The following USP40 variants were observed in gnomAD, a reference collection of about 807,000 sequenced individuals.
The protein encoded by USP40 is ubiquitin carboxyl-terminal hydrolase 40.
USP40 carries 143 observed loss-of-function variants against 166.2 expected under a neutral mutation model. The observed-to-expected ratio is 0.86, with a 90% CI of 0.75 to 0.99. The LOEUF (loss-of-function observed/expected upper bound fraction) is 0.99, where lower values mean the gene tolerates loss of function less well. Ranked by LOEUF, USP40 falls within the 50% of genes least tolerant of loss-of-function variation. The probability of loss-of-function intolerance (pLI) is 0.00; values close to 1 mark genes in which losing one functional copy is unlikely to be tolerated. For synonymous variants in USP40, 498 were observed against 524.0 expected, an observed-to-expected ratio of 0.95 and a Z score of 0.68; for missense variants, 1,444 against 1,479.7, an observed-to-expected ratio of 0.98 and a Z score of 0.40.
Position 233,557,583 on chromosome 2 carries a change from A to G in USP40, c.382-564T>C, listed in dbSNP as rs80331587. Among the ~76,000 whole-genome samples the G allele has an allele frequency of 6.0e-3, 914 of 152,236 alleles. 13 individuals carry two copies. The highest frequency in any genetic ancestry group is 0.021 in the African/African-American group (856 of 41,552). On this transcript the variant is annotated intron_variant, in intron 4 of 31. Coordinates refer to ENST00000678225, the MANE Select transcript of USP40 (RefSeq NM_001365479.2). ...GTGCTTAAGAAAAATTTATAACCAAACCAAGGGGCACACCAAGACTGAGAA... is the reference window on the plus strand; with the variant it reads ...GTGCTTAAGAAAAATTTATAACCAAGCCAAGGGGCACACCAAGACTGAGAA...
intron 22 of USP40, 36 bp downstream of exon 22, chr2:233,499,842 GC>G: frequency 1.9e-6 from 3 of 1,586,734 alleles, no homozygotes; most frequent in Non-Finnish European, 2.6e-6. Flanking sequence ...TTTTTATTAG[GC>G]TTTTAAGTAA....
intron 28 of USP40, among the ~76,000 whole-genome samples, chr2:233,487,492 A>C (rs2065018274): frequency 6.6e-6 from 1 of 152,240 alleles, no homozygotes; most frequent in Admixed American, 6.5e-5. Flanking sequence ...TTGTATTAAG[A>C]ATGTGTTTTT....
chr2:233,481,180 T>C, intron 31 of USP40, 23 bp downstream of exon 31: 1 of 1,570,756 alleles, frequency 6.4e-7, no homozygotes, highest in South Asian at 1.2e-5. Flanking sequence ...CAGCTGCACA[T>C]CTGTGCAGAC....
At chr2:233,523,012 T>G (rs2067761834) in intron 16 of USP40, among the ~76,000 whole-genome samples, 158 bp downstream of exon 16, 1 of 152,250 alleles carries the variant, frequency 6.6e-6, no homozygotes, top group Non-Finnish European at 1.5e-5. Flanking sequence ...CTAAGTTACA[T>G]AACCTAAAAC....
chr2:233,565,798 T>A (rs1011144937), intron 1 of USP40, among the ~76,000 whole-genome samples: 3 of 152,148 alleles, frequency 2.0e-5, no homozygotes, highest in African/African-American at 7.2e-5. Flanking sequence ...TTTTCTTATG[T>A]GTAAAATAGG....
Position 233,495,463 on chromosome 2 carries a change from C to T in USP40, c.2790+1295G>A, listed in dbSNP as rs1037283399. Among the ~76,000 whole-genome samples the T allele has an allele frequency of 3.3e-5, 5 of 151,564 alleles. No individual in the cohort carries two copies. In the South Asian group the frequency reaches 1.0e-3, roughly 32 times the overall value. Reference sequence around the variant, plus strand: ...AAAGAGACAGGGTTTCACCATGTTGCCAAGGCTGGTCTTGAATTCCTGAGC... The same window carrying T: ...AAAGAGACAGGGTTTCACCATGTTGTCAAGGCTGGTCTTGAATTCCTGAGC... On this transcript the variant is annotated intron_variant, in intron 24 of 31. Coordinates refer to ENST00000678225, the MANE Select transcript of USP40 (RefSeq NM_001365479.2).
intron 28 of USP40, chr2:233,487,673 CAA>C (rs1418021781): frequency 1.5e-5 from 3 of 203,966 alleles, no homozygotes; most frequent in African/African-American, 7.1e-5. Flanking sequence ...GAAAAAAGAA[CAA>C]GATGGTTTGA....
At chr2:233,490,586 A>G (rs1477451078) in intron 26 of USP40, among the ~76,000 whole-genome samples, 2 of 152,254 alleles carry the variant, frequency 1.3e-5, no homozygotes, top group African/African-American at 4.8e-5. Context: ...AAGAGAAGAA[A>G]GGAATGCTCA....
chr2:233,493,430 C>A lies in USP40; in HGVS notation c.2912G>T (p.Ser971Ile), dbSNP rs372446647. The change falls in exon 25 of 32, where the codon AGC (serine) becomes ATC (isoleucine). Residue 971 changes from serine (S) to isoleucine (I), a missense_variant. Physicochemically the swap from Ser to Ile is moderately radical, Grantham distance 142 (BLOSUM62 -2). Transcript: ENST00000678225. The surrounding 1 kb of genome is among the most constrained non-coding windows in gnomAD (Gnocchi z 4.7). ...AAATCCCATTCTGTTCTCACCTTGG[C>A]TGGAAGTGGCTCTCCAAACTCTGCC... ...SWGRVWRATSSQGASGNEPAQ... is the reference protein window; with the variant it reads ...SWGRVWRATSIQGASGNEPAQ... The A allele has an allele frequency of 1.9e-6, 3 of 1,613,964 alleles. No homozygotes were observed. The highest frequency in any genetic ancestry group is 2.5e-6 in the Non-Finnish European group (3 of 1,179,886).
chr2:233,481,693 G>C (rs2064605435), intron 30 of USP40: 2 of 170,966 alleles, frequency 1.2e-5, no homozygotes, highest in African/African-American at 4.8e-5. Context: ...TCTCGCCTCT[G>C]TATTTCTATA....
intron 18 of USP40, among the ~76,000 whole-genome samples, chr2:233,515,263 G>A (rs2067107626): frequency 1.3e-5 from 2 of 152,268 alleles, no homozygotes; most frequent in South Asian, 4.1e-4. Flanking sequence ...ACGTAGAATT[G>A]GTAAGTGGAT....
At chr2:233,504,871 T>C (rs921457314) in intron 21 of USP40, among the ~76,000 whole-genome samples, 2 of 151,962 alleles carry the variant, frequency 1.3e-5, no homozygotes, top group Admixed American at 1.3e-4. Flanking sequence ...AACAGATATT[T>C]ATAGAACAGT....
intron 10 of USP40, among the ~76,000 whole-genome samples, chr2:233,537,122 A>G (rs529286505): frequency 6.6e-6 from 1 of 152,264 alleles, no homozygotes; most frequent in East Asian, 1.9e-4. Context: ...GGGCTCAAGC[A>G]ATCCTCTTGC....
intron 8 of USP40, among the ~76,000 whole-genome samples, chr2:233,543,009 C>T (rs1216911134): frequency 6.6e-6 from 1 of 152,114 alleles, no homozygotes; most frequent in Non-Finnish European, 1.5e-5. Flanking sequence ...CTTGTGTTGA[C>T]CTAAGGAAAT....
At chr2:233,505,605 C>A (rs938226803) in intron 21 of USP40, among the ~76,000 whole-genome samples, 6 of 151,980 alleles carry the variant, frequency 3.9e-5, no homozygotes, top group African/African-American at 1.4e-4. Flanking sequence ...TGGACATATA[C>A]AATATACTAA....
At chr2:233,513,138 G>A (rs1272913713) in intron 18 of USP40, among the ~76,000 whole-genome samples, 2 of 150,120 alleles carry the variant, frequency 1.3e-5, no homozygotes, top group Non-Finnish European at 3.0e-5. Flanking sequence ...TCTTCTCATT[G>A]CATAGCTTAT....
At chr2:233,520,895 T>G in intron 17 of USP40, 96 bp downstream of exon 17, 5 of 1,370,484 alleles carry the variant, frequency 3.6e-6, no homozygotes, top group Non-Finnish European at 4.9e-6. Flanking sequence ...TGAAGTCTAT[T>G]GAGACAACTG....
intron 20 of USP40, 120 bp downstream of exon 20, chr2:233,511,589 T>A (rs2125159321): frequency 1.6e-6 from 1 of 640,128 alleles, no homozygotes; most frequent in Non-Finnish European, 2.6e-6. Flanking sequence ...TAAAATAAAA[T>A]GTATGATTTA....
chr2:233,533,138 CAT>C (rs1468265683), intron 11 of USP40, among the ~76,000 whole-genome samples: 1 of 152,050 alleles, frequency 6.6e-6, no homozygotes, highest in East Asian at 1.9e-4. Context: ...TCAAAGGCAA[CAT>C]ATGGCTGAAT....
Sources: gnomAD v4.1 joint callset for allele counts (sites outside exome capture counted in the v4.1 genomes callset) on GRCh38, gnomAD v4.1.1 for gene constraint, Gnocchi (gnomAD v3.1) non-coding constraint, MANE v1.5 for transcripts, NCBI Gene and HGNC (gene_info 2026-07-23, HGNC 2026-07-21) for gene names.